KHSRP: variants seen among roughly 807,000 people sequenced by gnomAD.
KHSRP encodes the protein far upstream element-binding protein 2.
Under a neutral mutation model 94.9 loss-of-function variants are expected in KHSRP, and 13 were observed. That is an observed-to-expected ratio of 0.14 (90% confidence interval 0.09 to 0.22). The LOEUF is 0.22. Ranked by LOEUF, KHSRP falls within the 10% of genes least tolerant of loss-of-function variation. The pLI, the probability that KHSRP is intolerant of heterozygous loss-of-function variation, is 1.00. For synonymous variants in KHSRP, 495 were observed against 401.4 expected (o/e 1.23, Z -2.79); for missense variants, 710 against 1,010.0 (o/e 0.70, Z 4.03).
intron 1 of KHSRP, among the ~76,000 whole-genome samples, chr19:6,423,874 A>T (rs889884168): frequency 6.6e-6 from 1 of 152,176 alleles, no homozygotes; most frequent in African/African-American, 2.4e-5. Flanking sequence ...TCCCCCAAAG[A>T]GACAGACCAC....
At position 6,418,131 on chromosome 19, in the gene KHSRP, C is replaced by T. The variant is rs2860167; in HGVS notation, c.880-52G>A. The T allele has an allele frequency of 0.13, 198,504 of 1,512,778 alleles. 14,826 individuals are homozygous for T. The highest frequency in any genetic ancestry group is 0.15 in the Non-Finnish European group (168,608 of 1,091,274). 93.7% of individuals were successfully genotyped at this position (1,512,778 alleles called of 1,614,324 possible). On this transcript the variant is annotated intron_variant, in intron 9 of 18. Coordinates refer to ENST00000600480, the MANE Select transcript of KHSRP (RefSeq NM_001366299.1). The surrounding 1 kb of genome is among the most constrained non-coding windows in gnomAD (Gnocchi z 4.3). ...ATGGGTGAGCCCTGCTGCCCCACAC[C>T]CCCCCACCTCCTCGGGGGTGCGGGC...
rs762762648 is a variant in KHSRP at position 6,421,636 on chromosome 19, C to A, written c.385+14G>T. 7.4e-6 allele frequency: 12 copies of A among 1,613,534 alleles called. No individual in the cohort carries two copies. The Admixed American group carries it at 1.2e-4, about 16-fold the overall frequency. ...CTGAAGCCACATATCTGCCACCAGA[C>A]CCCCTGGACTTACAGTCTCCCTGGG... On this transcript the variant is annotated intron_variant, in intron 3 of 18. Coordinates refer to ENST00000600480, the MANE Select transcript of KHSRP (RefSeq NM_001366299.1).
Position 6,418,078 on chromosome 19 carries a change from T to C in KHSRP, c.881A>G (p.Gln294Arg). 1 of 1,613,822 alleles carries C rather than the reference T, an allele frequency of 6.2e-7. No individual in the cohort carries two copies. The highest frequency in any genetic ancestry group is 8.5e-7 in the Non-Finnish European group (1 of 1,179,816). ...GATGTCCATCACCATCTCACAGGCT[T>C]GCTGCAAACACACAGGAAGCAGCCC... is the stretch of plus-strand genomic sequence containing the variant. ...RIIGDPYKVQQACEMVMDILR... is the reference protein window; with the variant it reads ...RIIGDPYKVQRACEMVMDILR... The change falls in exon 10 of 19, where the codon CAA becomes CGA. Residue 294 changes from glutamine (Q) to arginine (R), a missense_variant and splice_region_variant. Around this residue, in one of 5 missense-constraint regions of KHSRP, gnomAD observed 288 missense variants for 501.1 expected, o/e 0.57. Transcript: ENST00000600480. This position sits in a 1 kb window ranked among gnomAD's most constrained non-coding sequence, Gnocchi z 4.3.
chr19:6,422,278 A>C (rs1229723560), intron 2 of KHSRP, 62 bp downstream of exon 2: 4 of 1,157,542 alleles, frequency 3.5e-6, no homozygotes, highest in Admixed American at 1.7e-5. Context: ...ACACTCAAAC[A>C]AAAGCACCTC....
chr19:6,424,542 A>AC lies in KHSRP; in HGVS notation c.159dup (p.Ser54ValfsTer45). On this transcript the variant is annotated frameshift_variant, in exon 1 of 19. Transcript: ENST00000600480. LOFTEE classifies it high-confidence loss of function. ...GGTGGCTGAGAGGGGCCCCCGGCCGACCCCCCGCCCGGGCCGCCGCCGCCG... is the reference window on the plus strand; with the variant it reads ...GGTGGCTGAGAGGGGCCCCCGGCCGACCCCCCCGCCCGGGCCGCCGCCGCCG... The AC allele has an allele frequency of 1.0e-6, 1 of 967,018 alleles. No individual in the cohort carries two copies. The highest frequency in any genetic ancestry group is 1.2e-6 in the Non-Finnish European group (1 of 820,588). 59.9% of individuals were successfully genotyped at this position (967,018 alleles called of 1,614,324 possible).
Position 6,414,336 on chromosome 19 carries a change from A to C in KHSRP, c.*688T>G, listed in dbSNP as rs1306761637. On this transcript the variant is annotated 3_prime_UTR_variant, in exon 19 of 19. Coordinates refer to ENST00000600480, the MANE Select transcript of KHSRP (RefSeq NM_001366299.1). The stretch of plus-strand genomic sequence containing the variant: ...TCACGCTGCTCCCTGATGGAGAAGG[A>C]GGGACAGAGCAGGAAGAGAGGAGAG... 3 of 1,400,498 alleles carry C rather than the reference A, an allele frequency of 2.1e-6. No homozygotes were observed. Among genetic ancestry groups the C allele is most frequent in the Non-Finnish European group, 2.8e-6 (3 of 1,072,596 alleles). 86.8% of individuals were successfully genotyped at this position (1,400,498 alleles called of 1,614,324 possible).
intron 7 of KHSRP, 126 bp downstream of exon 7, chr19:6,419,077 T>C: frequency 2.6e-6 from 3 of 1,141,770 alleles, no homozygotes; most frequent in Non-Finnish European, 3.8e-6. Flanking sequence ...TTAACATGGC[T>C]GTCTGGAGAT....
intron 2 of KHSRP, 90 bp downstream of exon 2, chr19:6,422,250 A>C: frequency 1.2e-5 from 9 of 771,736 alleles, no homozygotes; most frequent in Non-Finnish European, 1.8e-5. Flanking sequence ...CAACAGTGAC[A>C]CCCACCCCCT....
At position 6,420,447 on chromosome 19, in the gene KHSRP, C is replaced by T. The variant is rs370306242; in HGVS notation, c.450G>A (p.Arg150=). ...TCAGGCCCACCATGCCGTCTGGGACCCTGTACTCTTCTGTCATTGAAGTCC... is the reference window on the plus strand; with the variant it reads ...TCAGGCCCACCATGCCGTCTGGGACTCTGTACTCTTCTGTCATTGAAGTCC... The part of the protein sequence containing the change: ...PPRTSMTEEY[R]VPDGMVGLII... Residue 150 remains arginine (R), a synonymous_variant, in exon 5 of 19, where the codon AGG becomes AGA. Coordinates refer to ENST00000600480, the MANE Select transcript of KHSRP (RefSeq NM_001366299.1). The T allele has an allele frequency of 5.5e-5, 88 of 1,613,996 alleles. No homozygotes were observed. In the African/African-American group the frequency reaches 1.0e-3, roughly 19 times the overall value.
At chr19:6,415,989 G>T in intron 15 of KHSRP, 93 bp from the exon 16 acceptor site, 1 of 817,456 alleles carries the variant, frequency 1.2e-6, no homozygotes, top group Non-Finnish European at 1.9e-6. Context: ...GTGGGGAGGC[G>T]CCAGAGACCC....
rs2092118863 is a variant in KHSRP at position 6,413,808 on chromosome 19, G to A, written c.*1216C>T. On this transcript the variant is annotated 3_prime_UTR_variant, in exon 19 of 19. Coordinates refer to ENST00000600480, the MANE Select transcript of KHSRP (RefSeq NM_001366299.1). ...TTTTATAAGTTCTGCTTTGCTCTTT[G>A]TGTTTTTAATTTTTAAGTTTTTTTT... is the stretch of plus-strand genomic sequence containing the variant. 5.9e-6 allele frequency: 1 copy of A among 169,572 alleles called. No homozygotes were observed. Among genetic ancestry groups the A allele is most frequent in the South Asian group, 2.0e-4 (1 of 5,056 alleles). 10.5% of individuals were successfully genotyped at this position (169,572 alleles called of 1,614,324 possible). A position where few individuals can be genotyped will look rare whatever the true frequency, so the allele number is the denominator to read the frequency against.
chr19:6,417,687 C>T, intron 11 of KHSRP, 52 bp downstream of exon 11: 1 of 1,515,406 alleles, frequency 6.6e-7, no homozygotes. Context: ...AGCCTGCCTC[C>T]CAAAGAGGGT....
rs1446017851 is a variant in KHSRP, at chr19:6,424,710, G to GGGGCC, written c.-14_-10dup. On this transcript the variant is annotated 5_prime_UTR_variant, in exon 1 of 19. Coordinates refer to ENST00000600480, the MANE Select transcript of KHSRP (RefSeq NM_001366299.1). The stretch of plus-strand genomic sequence containing the variant: ...GTGCTGTAGTCCGACATGGCGCGGC[G>GGGGCC]GGGCCGGGCCTGGCGCGGAGGCTGA... 2.9e-6 allele frequency: 3 copies of GGGGCC among 1,035,034 alleles called. No individual in the cohort carries two copies. In the African/African-American group the frequency reaches 5.2e-5, roughly 18 times the overall value. 64.1% of individuals were successfully genotyped at this position (1,035,034 alleles called of 1,614,324 possible).
In KHSRP at chr19:6,424,715, CG is replaced by C; in HGVS notation, c.-15del. On this transcript the variant is annotated 5_prime_UTR_variant, in exon 1 of 19. Transcript: ENST00000600480. ...GTAGTCCGACATGGCGCGGCGGGGC[CG>C]GGCCTGGCGCGGAGGCTGAAGCTGA... 1 of 1,035,524 alleles carries C rather than the reference CG, an allele frequency of 9.7e-7. No individual in the cohort carries two copies. Among genetic ancestry groups the C allele is most frequent in the Non-Finnish European group, 1.2e-6 (1 of 861,106 alleles). The allele number at this position is 1,035,524 out of a possible 1,614,324, so 64.1% of individuals were successfully genotyped here. A position where few individuals can be genotyped will look rare whatever the true frequency, so the allele number is the denominator to read the frequency against.
At position 6,414,934 on chromosome 19, in the gene KHSRP, T is replaced by G; in HGVS notation, c.*90A>C. 4.3e-6 allele frequency: 6 copies of G among 1,409,068 alleles called. No homozygotes were observed. The highest frequency in any genetic ancestry group is 5.5e-6 in the Non-Finnish European group (6 of 1,087,644). 87.3% of individuals were successfully genotyped at this position (1,409,068 alleles called of 1,614,324 possible). A position where few individuals can be genotyped will look rare whatever the true frequency, so the allele number is the denominator to read the frequency against. On this transcript the variant is annotated 3_prime_UTR_variant, in exon 19 of 19. Coordinates refer to ENST00000600480, the MANE Select transcript of KHSRP (RefSeq NM_001366299.1). Reference sequence around the variant, plus strand: ...CAAGCAGCCGGCGCAGGGAGGCCTCTTCGTTTAACCTCTGGACCCAGCGAA... The same window carrying G: ...CAAGCAGCCGGCGCAGGGAGGCCTCGTCGTTTAACCTCTGGACCCAGCGAA...
chr19:6,415,939 G>A (rs2092142280), intron 15 of KHSRP, 43 bp from the exon 16 acceptor site: 2 of 1,279,798 alleles, frequency 1.6e-6, no homozygotes, highest in Non-Finnish European at 1.1e-6. Flanking sequence ...TGGTGCGGGG[G>A]TGGCCGCAGC....
chr19:6,415,342 GCTGCCC>G (rs536075692), intron 18 of KHSRP, 32 bp downstream of exon 18: 2 of 1,612,690 alleles, frequency 1.2e-6, no homozygotes, highest in African/African-American at 1.3e-5. Context: ...GTGGGTGAGG[GCTGCCC>G]CTGCCCCTGT....
In KHSRP at chr19:6,418,609, C is replaced by T; in HGVS notation, c.781-28G>A. Reference sequence around the variant, plus strand: ...TTACAAGCAAGGTTAACCGTTAGTGCTGGGCTCTCCCAGGACTTCCTGGGC... The same window carrying T: ...TTACAAGCAAGGTTAACCGTTAGTGTTGGGCTCTCCCAGGACTTCCTGGGC... On this transcript the variant is annotated intron_variant, in intron 8 of 18. Transcript: ENST00000600480. This position sits in a 1 kb window ranked among gnomAD's most constrained non-coding sequence, Gnocchi z 4.3. 6.2e-7 allele frequency: 1 copy of T among 1,613,104 alleles called. No individual in the cohort carries two copies. Among genetic ancestry groups the T allele is most frequent in the South Asian group, 1.1e-5 (1 of 91,068 alleles).
rs574074807 is a variant in KHSRP at position 6,419,104 on chromosome 19, G to A, written c.605+99C>T. ...TCTGGAGATGGGGGCAAGAATGGAG[G>A]ACATGGCGTGCAAGTTGCTCCCAAC... is the stretch of plus-strand genomic sequence containing the variant. On this transcript the variant is annotated intron_variant, in intron 7 of 18. Coordinates refer to ENST00000600480, the MANE Select transcript of KHSRP (RefSeq NM_001366299.1). 79 of 1,234,986 alleles carry A rather than the reference G, an allele frequency of 6.4e-5. 1 individual carries two copies. The African/African-American group carries it at 8.2e-4, about 13-fold the overall frequency. 76.5% of individuals were successfully genotyped at this position (1,234,986 alleles called of 1,614,324 possible). A position where few individuals can be genotyped will look rare whatever the true frequency, so the allele number is the denominator to read the frequency against.
Sources: gnomAD v4.1 joint callset for allele counts (sites outside exome capture counted in the v4.1 genomes callset) on GRCh38, gnomAD v4.1.1 for gene constraint, gnomAD v4.1.1 regional missense constraint, Gnocchi (gnomAD v3.1) non-coding constraint, MANE v1.5 for transcripts, NCBI Gene and HGNC (gene_info 2026-07-23, HGNC 2026-07-21) for gene names.